The following KCNT2 variants were observed in gnomAD, a reference collection of about 807,000 sequenced individuals.
KCNT2 encodes the protein potassium sodium-activated channel subfamily T member 2, also known as potassium channel subfamily T member 2.
KCNT2 carries 67 observed loss-of-function variants against 153.8 expected under a neutral mutation model. The ratio of observed to expected loss-of-function variants is 0.44; its 90% CI spans 0.36 to 0.53. The LOEUF (loss-of-function observed/expected upper bound fraction) is 0.53. Among genes scored for constraint, KCNT2 ranks in the 20% least tolerant of loss-of-function variants. The pLI, the probability that KCNT2 is intolerant of heterozygous loss-of-function variation, is 0.00. For missense variants in KCNT2, 975 were observed against 1,354.8 expected, an observed-to-expected ratio of 0.72 and a Z score of 4.40; for synonymous variants, 500 against 458.8, an observed-to-expected ratio of 1.09 and a Z score of -1.15.
At chr1:196,357,146 T>C (rs1039762126) in intron 14 of KCNT2, among the ~76,000 whole-genome samples, 3 of 151,906 alleles carry the variant, frequency 2.0e-5, no homozygotes, top group Non-Finnish European at 4.4e-5. Flanking sequence ...AATATTGGTG[T>C]TTTGTTTATT....
At position 196,580,914 on chromosome 1, in the gene KCNT2, T is replaced by G. The variant is rs1428765142; in HGVS notation, c.95+27301A>C. Among the ~76,000 whole-genome samples, 3 of 152,294 alleles carry G rather than the reference T, an allele frequency of 2.0e-5. No individual in the cohort carries two copies. In the East Asian group the frequency reaches 5.8e-4, roughly 29 times the overall value. ...GGCAGGGGCCAGATGGTTTTTGTTA[T>G]TGTTGTTTTACTTGTTCTTGTTTTC... On this transcript the variant is annotated intron_variant, in intron 1 of 27. Coordinates refer to ENST00000294725, the MANE Select transcript of KCNT2 (RefSeq NM_198503.5).
chr1:196,239,086 T>A (rs1232575271), intron 26 of KCNT2, among the ~76,000 whole-genome samples: 2 of 151,894 alleles, frequency 1.3e-5, no homozygotes, highest in Non-Finnish European at 2.9e-5. Flanking sequence ...ATGGCTTTGC[T>A]CCAAGAATGC....
chr1:196,593,311 T>TATATATATATATATATATATATATATAC (rs1256165838), intron 1 of KCNT2, among the ~76,000 whole-genome samples: 1 of 140,204 alleles, frequency 7.1e-6, no homozygotes, highest in African/African-American at 2.8e-5. Context: ...TATATATATA[T>TATATATATATATATATATATATATATAC]ACACACACAC....
chr1:196,507,518 C>G (rs879819887), intron 1 of KCNT2, among the ~76,000 whole-genome samples: 6 of 151,970 alleles, frequency 3.9e-5, no homozygotes, highest in Non-Finnish European at 8.8e-5. Context: ...TGTGGGGTGG[C>G]GACTGTATTT....
intron 22 of KCNT2, among the ~76,000 whole-genome samples, chr1:196,298,649 C>T (rs903215670): frequency 4.0e-5 from 6 of 151,700 alleles, no homozygotes; most frequent in South Asian, 2.1e-4. Flanking sequence ...TCATTAGCCA[C>T]GTGATGAAAC....
chr1:196,577,838 A>G, intron 1 of KCNT2, among the ~76,000 whole-genome samples: 1 of 152,178 alleles, frequency 6.6e-6, no homozygotes, highest in East Asian at 1.9e-4. Flanking sequence ...TATTTATGGA[A>G]ATCCAAAATA....
intron 18 of KCNT2, 108 bp from the exon 19 acceptor site, chr1:196,326,997 T>C: frequency 1.6e-6 from 1 of 634,032 alleles, no homozygotes; most frequent in South Asian, 2.3e-5. Flanking sequence ...ATGTAAATCC[T>C]TATTTTCTAA....
chr1:196,469,008 G>A lies in KCNT2; in HGVS notation c.445C>T (p.Pro149Ser). Residue 149 changes from proline to serine, a missense_variant, in exon 6 of 28, where the codon CCC (proline) becomes TCC (serine). Coordinates refer to ENST00000294725, the MANE Select transcript of KCNT2 (RefSeq NM_198503.5). ...PFILEIINAV[P>S]FIISIFWPSL... is the part of the protein sequence containing the mutation. ...TTAGGACTTACTGAGATAATGAAGG[G>A]AACTGCATTAATTATTTCCAAGATG... is the stretch of plus-strand genomic sequence containing the variant. 12 of 1,595,494 alleles carry A rather than the reference G, an allele frequency of 7.5e-6. No individual in the cohort carries two copies. Among genetic ancestry groups the A allele is most frequent in the Non-Finnish European group, 1.0e-5 (12 of 1,166,258 alleles).
intron 22 of KCNT2, among the ~76,000 whole-genome samples, chr1:196,298,492 G>T (rs1318543620): frequency 2.0e-5 from 3 of 152,080 alleles, no homozygotes; most frequent in Admixed American, 2.0e-4. Flanking sequence ...GTCTTAAAGG[G>T]TCTCCCAATC....
At chr1:196,404,359 T>A (rs906617525) in intron 12 of KCNT2, among the ~76,000 whole-genome samples, 20 of 151,776 alleles carry the variant, frequency 1.3e-4, no homozygotes, top group Admixed American at 5.9e-4. Flanking sequence ...AAAATTCTTA[T>A]TGTTGTACGT....
At chr1:196,290,658 A>G (rs964776546) in intron 22 of KCNT2, among the ~76,000 whole-genome samples, 1 of 151,932 alleles carries the variant, frequency 6.6e-6, no homozygotes, top group Non-Finnish European at 1.5e-5. Flanking sequence ...CTTATGTACT[A>G]TAATTTTAAT....
At position 196,570,067 on chromosome 1, in the gene KCNT2, T is replaced by TAAA. The variant is rs199836975; in HGVS notation, c.95+38145_95+38147dup. Among the ~76,000 whole-genome samples, 24 of 133,736 alleles carry TAAA rather than the reference T, an allele frequency of 1.8e-4. 1 individual carries two copies. Among genetic ancestry groups the TAAA allele is most frequent in the African/African-American group, 7.6e-4 (21 of 27,552 alleles). 87.7% of individuals were successfully genotyped at this position (133,736 alleles called of 152,430 possible). ...TGAGTCCAGGAAGCTTGAGCTAGAG[T>TAAA]AAAAAAAAAAAAAAAAAAAAAAAAA... On this transcript the variant is annotated intron_variant, in intron 1 of 27. Coordinates refer to ENST00000294725, the MANE Select transcript of KCNT2 (RefSeq NM_198503.5).
intron 14 of KCNT2, among the ~76,000 whole-genome samples, chr1:196,350,452 G>A (rs999114080): frequency 6.6e-6 from 1 of 152,156 alleles, no homozygotes; most frequent in African/African-American, 2.4e-5. Flanking sequence ...TTTCTCTGAT[G>A]GCCAGTGATG....
At chr1:196,304,408 C>T (rs960247353) in intron 22 of KCNT2, among the ~76,000 whole-genome samples, 3 of 152,142 alleles carry the variant, frequency 2.0e-5, no homozygotes, top group Non-Finnish European at 4.4e-5. Flanking sequence ...GGCTGGAGTG[C>T]ACTGCCATGA....
chr1:196,560,238 C>G (rs1659203983), intron 1 of KCNT2, among the ~76,000 whole-genome samples: 1 of 151,636 alleles, frequency 6.6e-6, no homozygotes, highest in East Asian at 1.9e-4. Context: ...GAATGTTATG[C>G]AAAAGACGAC....
chr1:196,321,958 C>T (rs1286437366), intron 19 of KCNT2, among the ~76,000 whole-genome samples: 1 of 151,814 alleles, frequency 6.6e-6, no homozygotes, highest in Non-Finnish European at 1.5e-5. Context: ...ATTTTTTAAT[C>T]ATTGGGAGGC....
intron 1 of KCNT2, among the ~76,000 whole-genome samples, chr1:196,579,704 G>C (rs1463966698): frequency 3.9e-5 from 6 of 151,906 alleles, no homozygotes. Context: ...TGTTGGCCAG[G>C]CTGGTCTGGA....
chr1:196,348,362 A>G (rs947889758), intron 14 of KCNT2, among the ~76,000 whole-genome samples: 1 of 152,184 alleles, frequency 6.6e-6, no homozygotes, highest in Admixed American at 6.6e-5. Flanking sequence ...ATCGAAAATT[A>G]TGAAAAACCA....
At chr1:196,477,737 CT>C (rs1678664793) in intron 5 of KCNT2, among the ~76,000 whole-genome samples, 1 of 152,174 alleles carries the variant, frequency 6.6e-6, no homozygotes, top group Non-Finnish European at 1.5e-5. Context: ...GACTTTCTAT[CT>C]TTTCTAACTT....
Sources: allele counts gnomAD v4.1 joint callset (sites outside exome capture counted in the v4.1 genomes callset), GRCh38; gene constraint gnomAD v4.1.1; transcripts MANE v1.5; gene names NCBI Gene and HGNC (gene_info 2026-07-23, HGNC 2026-07-21).